Variants in LEF1 observed in about 807,000 individuals in gnomAD.
The protein encoded by LEF1 is lymphoid enhancer-binding factor 1.
A neutral mutation model predicts 51.2 loss-of-function variants in LEF1; 14 were observed. The ratio of observed to expected loss-of-function variants is 0.27; its 90% CI spans 0.18 to 0.43. The LOEUF (loss-of-function observed/expected upper bound fraction) is 0.43, where lower values mean the gene tolerates loss of function less well. Among genes scored for constraint, LEF1 ranks in the 20% least tolerant of loss-of-function variants. The pLI is 1.00. For missense variants in LEF1, 386 were observed against 512.0 expected, an observed-to-expected ratio of 0.75 and a Z score of 2.37; for synonymous variants, 185 against 183.2, an observed-to-expected ratio of 1.01 and a Z score of -0.08.
chr4:108,064,203 A>G (rs923763760), intron 10 of LEF1, 133 bp downstream of exon 10: 1 of 568,096 alleles, frequency 1.8e-6, no homozygotes, highest in Admixed American at 3.3e-5. Context: ...AAAGAATTTC[A>G]GGAAGAAAAA....
intron 3 of LEF1, among the ~76,000 whole-genome samples, chr4:108,097,017 T>C (rs183391057): frequency 1.5e-4 from 23 of 152,334 alleles, no homozygotes; most frequent in Admixed American, 4.6e-4. Context: ...ATGATGACTA[T>C]GGAGAACAGT....
chr4:108,116,442 C>T (rs943844883), intron 3 of LEF1, among the ~76,000 whole-genome samples: 4 of 152,212 alleles, frequency 2.6e-5, no homozygotes, highest in East Asian at 1.9e-4. Flanking sequence ...GGACTGCTTG[C>T]GCCCAGGAGG....
At chr4:108,126,199 A>G (rs1276644693) in intron 3 of LEF1, among the ~76,000 whole-genome samples, 1 of 152,200 alleles carries the variant, frequency 6.6e-6, no homozygotes, top group African/African-American at 2.4e-5. Flanking sequence ...GATTTTTGAC[A>G]GTAATAAAAA....
chr4:108,148,748 G>A (rs190182682), intron 3 of LEF1, among the ~76,000 whole-genome samples: 1 of 152,254 alleles, frequency 6.6e-6, no homozygotes, highest in East Asian at 1.9e-4. Flanking sequence ...ATTCTACCAG[G>A]AAACTTGTTT....
At chr4:108,113,553 G>A (rs996388766) in intron 3 of LEF1, among the ~76,000 whole-genome samples, 6 of 152,166 alleles carry the variant, frequency 3.9e-5, no homozygotes, top group African/African-American at 7.2e-5. Flanking sequence ...TGTTTTTGCC[G>A]CAGATCACAG....
chr4:108,102,468 T>C (rs1175182687), intron 3 of LEF1, among the ~76,000 whole-genome samples: 1 of 152,172 alleles, frequency 6.6e-6, no homozygotes, highest in African/African-American at 2.4e-5. Context: ...CTCGAATCTC[T>C]ACCACTAAAT....
At position 108,125,789 on chromosome 4, in the gene LEF1, A is replaced by C. The variant is rs186248545; in HGVS notation, c.415-36532T>G. On this transcript the variant is annotated intron_variant, in intron 3 of 11. Transcript: ENST00000265165. ...ATTTTGGAAACAACTGACCCACAAC[A>C]GTTTAAGTACAGCAGTGTGACTGTG... is the stretch of plus-strand genomic sequence containing the variant. Among the ~76,000 whole-genome samples, 18 of 152,156 alleles carry C rather than the reference A, an allele frequency of 1.2e-4. No individual in the cohort carries two copies. In the East Asian group the frequency reaches 3.5e-3, roughly 29 times the overall value.
At chr4:108,089,301 C>T (rs750183310) in intron 3 of LEF1, 44 bp from the exon 4 acceptor site, 2 of 1,583,444 alleles carry the variant, frequency 1.3e-6, no homozygotes, top group Non-Finnish European at 1.7e-6. Flanking sequence ...GGATGCCCAG[C>T]TCCAGTCTTT....
intron 3 of LEF1, among the ~76,000 whole-genome samples, chr4:108,095,437 C>T (rs547192546): frequency 6.6e-6 from 1 of 152,218 alleles, no homozygotes; most frequent in Admixed American, 6.5e-5. Context: ...AGGATCTGTG[C>T]CGGCATTTGT....
intron 3 of LEF1, among the ~76,000 whole-genome samples, chr4:108,110,809 A>C (rs1741486551): frequency 6.6e-6 from 1 of 152,222 alleles, no homozygotes; most frequent in South Asian, 2.1e-4. Flanking sequence ...TGCAGAATTC[A>C]CAGCCCTTCA....
intron 3 of LEF1, among the ~76,000 whole-genome samples, chr4:108,106,559 T>C (rs1441055919): frequency 1.3e-5 from 2 of 152,192 alleles, no homozygotes; most frequent in African/African-American, 2.4e-5. Context: ...TGCACTGATG[T>C]ACACACATTA....
intron 9 of LEF1, chr4:108,070,338 A>G (rs958238929): frequency 5.6e-6 from 1 of 178,474 alleles, no homozygotes; most frequent in African/African-American, 2.4e-5. Flanking sequence ...AGAAAGTAAT[A>G]TAAGTAGTTA....
At chr4:108,134,025 G>A (rs774835480) in intron 3 of LEF1, among the ~76,000 whole-genome samples, 3 of 152,112 alleles carry the variant, frequency 2.0e-5, no homozygotes, top group Non-Finnish European at 2.9e-5. Flanking sequence ...ACTCTCCCCA[G>A]TGGGGTCCAG....
chr4:108,075,297 CCT>C (rs1429005079), intron 8 of LEF1: 1 of 152,206 alleles, frequency 6.6e-6, no homozygotes, highest in Non-Finnish European at 1.5e-5. Context: ...GGCCTGCTTC[CCT>C]CCTGTTCACA....
At chr4:108,120,001 G>GAA (rs1742070814) in intron 3 of LEF1, among the ~76,000 whole-genome samples, 2 of 53,782 alleles carry the variant, frequency 3.7e-5, no homozygotes, top group Admixed American at 2.0e-4. Context: ...ATATGTGTGT[G>GAA]TGTGTGTGTG....
At chr4:108,084,109 G>C (rs1301959941) in intron 4 of LEF1, among the ~76,000 whole-genome samples, 4 of 152,188 alleles carry the variant, frequency 2.6e-5, no homozygotes, top group Non-Finnish European at 4.4e-5. Flanking sequence ...TGAGCTCACA[G>C]TCCCTGGAGT....
At chr4:108,078,045 CAA>C (rs10712183) in intron 8 of LEF1, among the ~76,000 whole-genome samples, 173 bp downstream of exon 8, 3 of 150,978 alleles carry the variant, frequency 2.0e-5, no homozygotes, top group Non-Finnish European at 4.4e-5. Context: ...GACGCTGTCT[CAA>C]AAAAAAAGAA....
chr4:108,059,651 A>C (rs934322337), intron 11 of LEF1, among the ~76,000 whole-genome samples: 1 of 152,058 alleles, frequency 6.6e-6, no homozygotes, highest in Non-Finnish European at 1.5e-5. Flanking sequence ...ACTTCCCTTC[A>C]GAATTGAAAA....
At chr4:108,102,937 A>T (rs1740923566) in intron 3 of LEF1, among the ~76,000 whole-genome samples, 1 of 152,234 alleles carries the variant, frequency 6.6e-6, no homozygotes, top group East Asian at 1.9e-4. Flanking sequence ...ATCACCCTGC[A>T]AGAAAGGTAT....
Sources: gnomAD v4.1 joint callset for allele counts (sites outside exome capture counted in the v4.1 genomes callset) on GRCh38, gnomAD v4.1.1 for gene constraint, MANE v1.5 for transcripts, NCBI Gene and HGNC (gene_info 2026-07-23, HGNC 2026-07-21) for gene names.